Variants in PSMA8 observed in about 807,000 individuals in gnomAD.
PSMA8 encodes the protein proteasome subunit alpha-type 8.
Under a neutral mutation model 32.4 loss-of-function variants are expected in PSMA8, and 18 were observed. The observed-to-expected ratio is 0.56, with a 90% CI of 0.38 to 0.82. The LOEUF (loss-of-function observed/expected upper bound fraction) is 0.82, where lower values mean the gene tolerates loss of function less well. Ranked by LOEUF, PSMA8 falls within the 40% of genes least tolerant of loss-of-function variation. PSMA8 has a pLI of 0.00. For missense variants in PSMA8, 298 were observed against 300.7 expected (o/e 0.99, Z 0.07); for synonymous variants, 104 against 98.1 (o/e 1.06, Z -0.36).
At chr18:26,136,121 A>G (rs1463162185) in intron 1 of PSMA8, among the ~76,000 whole-genome samples, 3 of 152,228 alleles carry the variant, frequency 2.0e-5, no homozygotes, top group African/African-American at 7.2e-5. Flanking sequence ...ATGGGCCACA[A>G]TTAAAGGCTT....
chr18:26,159,892 A>G (rs2055121664), intron 4 of PSMA8, among the ~76,000 whole-genome samples: 1 of 151,094 alleles, frequency 6.6e-6, no homozygotes, highest in African/African-American at 2.5e-5. Flanking sequence ...TGAGGGAAAT[A>G]TTACGCAGCT....
intron 6 of PSMA8, among the ~76,000 whole-genome samples, chr18:26,188,322 C>A (rs1227712987): frequency 7.5e-6 from 1 of 132,608 alleles, no homozygotes. Flanking sequence ...TATAAGTGCC[C>A]ACATCAAAAA....
chr18:26,166,594 T>C (rs2055182228), intron 4 of PSMA8, among the ~76,000 whole-genome samples: 1 of 152,254 alleles, frequency 6.6e-6, no homozygotes, highest in Admixed American at 6.5e-5. Context: ...ACATGTTTGC[T>C]GCAGGTATGG....
At chr18:26,158,311 C>A in intron 4 of PSMA8, 67 bp downstream of exon 4, 1 of 1,257,374 alleles carries the variant, frequency 8.0e-7, no homozygotes, top group Non-Finnish European at 1.1e-6. Context: ...TGCTTTATTG[C>A]TTTGAGAGAC....
At chr18:26,178,112 G>A (rs1018857882) in intron 4 of PSMA8, among the ~76,000 whole-genome samples, 2 of 152,030 alleles carry the variant, frequency 1.3e-5, no homozygotes, top group Non-Finnish European at 2.9e-5. Flanking sequence ...CAGCTACTTG[G>A]GAGTCTGAGG....
At position 26,192,640 on chromosome 18, in the gene PSMA8, T is replaced by A; in HGVS notation, c.*229T>A. 3.3e-6 allele frequency: 1 copy of A among 305,474 alleles called. No individual in the cohort carries two copies. The highest frequency in any genetic ancestry group is 5.6e-6 in the Non-Finnish European group (1 of 178,668). 18.9% of individuals were successfully genotyped at this position (305,474 alleles called of 1,614,324 possible). A position where few individuals can be genotyped will look rare whatever the true frequency, so the allele number is the denominator to read the frequency against. On this transcript the variant is annotated 3_prime_UTR_variant, in exon 7 of 7. Coordinates refer to ENST00000415576, the MANE Select transcript of PSMA8 (RefSeq NM_001025096.2). ...GGATTTCAGTAATTGTTGAGAGCAG[T>A]CATAATTCCACATAAGCCTGAGACT...
chr18:26,138,132 G>C (rs558383583), intron 1 of PSMA8, among the ~76,000 whole-genome samples: 1 of 152,198 alleles, frequency 6.6e-6, no homozygotes, highest in African/African-American at 2.4e-5. Context: ...GAGAGACCTT[G>C]AAGTGTTTTG....
chr18:26,148,900 A>T (rs891670900), intron 2 of PSMA8, among the ~76,000 whole-genome samples: 5 of 152,194 alleles, frequency 3.3e-5, no homozygotes, highest in Admixed American at 3.3e-4. Flanking sequence ...AGCCTGAAGC[A>T]CAGTGGCATC....
chr18:26,143,051 T>G (rs1489867458), intron 1 of PSMA8, among the ~76,000 whole-genome samples: 1 of 152,206 alleles, frequency 6.6e-6, no homozygotes, highest in Non-Finnish European at 1.5e-5. Flanking sequence ...ACTGCCGCCT[T>G]TATAAAGAAT....
intron 4 of PSMA8, among the ~76,000 whole-genome samples, chr18:26,169,348 C>T (rs1400734968): frequency 7.4e-6 from 1 of 134,376 alleles, no homozygotes; most frequent in Non-Finnish European, 1.5e-5. Flanking sequence ...CAAAGTCAAA[C>T]TCCATCAGAA....
intron 2 of PSMA8, among the ~76,000 whole-genome samples, chr18:26,149,162 G>A (rs1268802522): frequency 2.0e-5 from 3 of 152,046 alleles, no homozygotes; most frequent in Non-Finnish European, 4.4e-5. Flanking sequence ...TCTATGTACT[G>A]ACAATGAACC....
intron 1 of PSMA8, among the ~76,000 whole-genome samples, chr18:26,136,050 C>T (rs2054909195): frequency 6.6e-6 from 1 of 151,972 alleles, no homozygotes; most frequent in African/African-American, 2.4e-5. Flanking sequence ...ACAAATAAGC[C>T]AAGGTTGACC....
At chr18:26,190,885 G>A (rs2055397157) in intron 6 of PSMA8, among the ~76,000 whole-genome samples, 2 of 152,138 alleles carry the variant, frequency 1.3e-5, no homozygotes, top group African/African-American at 4.8e-5. Flanking sequence ...CTAAACTGTG[G>A]ACTCCTTAAT....
chr18:26,143,911 G>A (rs960325570), intron 1 of PSMA8, among the ~76,000 whole-genome samples: 5 of 152,020 alleles, frequency 3.3e-5, no homozygotes, highest in Middle Eastern at 6.8e-3. Flanking sequence ...TAGTAGAGAC[G>A]GGGTTTCACC....
At chr18:26,189,162 A>G (rs991150236) in intron 6 of PSMA8, among the ~76,000 whole-genome samples, 1 of 152,144 alleles carries the variant, frequency 6.6e-6, no homozygotes, top group African/African-American at 2.4e-5. Context: ...CAATAATCTG[A>G]TCAAAAAATG....
In PSMA8 at chr18:26,193,066, A is replaced by G. The variant is rs2055416673; in HGVS notation, c.*655A>G. ...TGGGAAGAGCTTCTAAGGGCATCTT[A>G]ACAGGATGCTACATGAAAATAAGGA... On this transcript the variant is annotated 3_prime_UTR_variant, in exon 7 of 7. Transcript: ENST00000415576. 1 of 152,234 alleles carries G rather than the reference A, an allele frequency of 6.6e-6. No homozygotes were observed. Among genetic ancestry groups the G allele is most frequent in the Admixed American group, 6.5e-5 (1 of 15,276 alleles). 9.4% of individuals were successfully genotyped at this position (152,234 alleles called of 1,614,324 possible).
At chr18:26,174,379 T>C (rs2144336523) in intron 4 of PSMA8, among the ~76,000 whole-genome samples, 1 of 152,340 alleles carries the variant, frequency 6.6e-6, no homozygotes, top group African/African-American at 2.4e-5. Flanking sequence ...GCTTGTAGAT[T>C]TGTAGGAATG....
rs1156393523 is a variant in PSMA8, at chr18:26,183,138, T to A, written c.660+4008T>A. 2.0e-5 allele frequency among the ~76,000 whole-genome samples: 3 copies of A among 150,026 alleles called. 1 individual carries two copies. The highest frequency in any genetic ancestry group is 7.4e-5 in the African/African-American group (3 of 40,518). ...CGGGCGTGGTGGCTCATGCTTGTAA[T>A]CCCAGCACTTTGGGAGGCCAAGGTG... On this transcript the variant is annotated intron_variant, in intron 6 of 6. Transcript: ENST00000415576.
intron 2 of PSMA8, among the ~76,000 whole-genome samples, chr18:26,145,407 C>T (rs12968478): frequency 0.052 from 7,906 of 152,092 alleles, 227 homozygotes; most frequent in East Asian, 0.12. Context: ...TGTGAGCCAC[C>T]GCGCCCGGCC....
Sources: gnomAD v4.1 joint callset for allele counts (sites outside exome capture counted in the v4.1 genomes callset) on GRCh38, gnomAD v4.1.1 for gene constraint, MANE v1.5 for transcripts, NCBI Gene and HGNC (gene_info 2026-07-23, HGNC 2026-07-21) for gene names.